Variants in MYO9A observed in about 807,000 individuals in gnomAD.
The protein encoded by MYO9A is unconventional myosin-IXa.
A neutral mutation model predicts 293.3 loss-of-function variants in MYO9A; 103 were observed. The observed-to-expected ratio is 0.35, with a 90% CI of 0.30 to 0.41. MYO9A has a LOEUF of 0.41. Among genes scored for constraint, MYO9A ranks in the 10% least tolerant of loss-of-function variants. The pLI is 1.00. For missense variants in MYO9A, 2,685 were observed against 3,033.0 expected, an observed-to-expected ratio of 0.89 and a Z score of 2.69; for synonymous variants, 1,001 against 1,035.7, an observed-to-expected ratio of 0.97 and a Z score of 0.64.
chr15:72,019,186 C>G (rs2077427684), intron 5 of MYO9A, 91 bp from the exon 6 acceptor site: 1 of 1,048,690 alleles, frequency 9.5e-7, no homozygotes, highest in African/African-American at 1.6e-5. Flanking sequence ...AGTACTGCTG[C>G]TCTCCATTGA....
At chr15:71,900,874 A>G (rs1235188594) in intron 23 of MYO9A, among the ~76,000 whole-genome samples, 1 of 152,158 alleles carries the variant, frequency 6.6e-6, no homozygotes, top group South Asian at 2.1e-4. Context: ...CTCAAACATC[A>G]CTCCAAAAAC....
At chr15:72,048,058 T>G (rs1035714176) in intron 1 of MYO9A, among the ~76,000 whole-genome samples, 1 of 152,044 alleles carries the variant, frequency 6.6e-6, no homozygotes, top group Non-Finnish European at 1.5e-5. Flanking sequence ...CCTGTTTGCC[T>G]AGATGGTCTT....
At chr15:71,864,328 T>C (rs1378304230) in intron 32 of MYO9A, among the ~76,000 whole-genome samples, 3 of 152,032 alleles carry the variant, frequency 2.0e-5, no homozygotes, top group African/African-American at 7.2e-5. Flanking sequence ...AGGTAAACAA[T>C]AGCAAATGTT....
rs1327353535 is a variant in MYO9A, at chr15:72,074,949, GC to G, written c.-71-28316del. Among the ~76,000 whole-genome samples the G allele has an allele frequency of 7.6e-3, 630 of 82,448 alleles. 10 individuals carry two copies. The highest frequency in any genetic ancestry group is 0.012 in the Admixed American group (75 of 6,298). 54.1% of individuals were successfully genotyped at this position (82,448 alleles called of 152,430 possible). Reference sequence around the variant, plus strand: ...AGCAGTTAGAAATTTCATTTTCACTGCCTTTTTTTTTTTTTTTTTTTTTTTT... The same window carrying G: ...AGCAGTTAGAAATTTCATTTTCACTGCTTTTTTTTTTTTTTTTTTTTTTTT... On this transcript the variant is annotated intron_variant, in intron 1 of 41. Coordinates refer to ENST00000356056, the MANE Select transcript of MYO9A (RefSeq NM_006901.4).
intron 1 of MYO9A, chr15:72,114,381 A>G (rs2080891350): frequency 6.6e-6 from 1 of 152,270 alleles, no homozygotes; most frequent in Admixed American, 6.5e-5. Flanking sequence ...TTAAAATAAG[A>G]TAGAGGCAAC....
chr15:71,850,620 C>G (rs1410497388), intron 37 of MYO9A, among the ~76,000 whole-genome samples: 1 of 284 alleles, frequency 3.5e-3, no homozygotes, highest in African/African-American at 0.022. Flanking sequence ...CAAAAATTAG[C>G]CAGGGTGTGG....
intron 34 of MYO9A, among the ~76,000 whole-genome samples, chr15:71,854,968 A>C (rs183242799): frequency 6.6e-6 from 1 of 152,244 alleles, no homozygotes; most frequent in African/African-American, 2.4e-5. Context: ...CAAGTTCTTA[A>C]GCATAAGAAT....
chr15:72,008,436 GGTGTGTGT>G lies in MYO9A; in HGVS notation c.1254-492_1254-485del, dbSNP rs57267628. 8.5e-3 allele frequency among the ~76,000 whole-genome samples: 1,176 copies of G among 138,826 alleles called. 7 individuals carry two copies. The highest frequency in any genetic ancestry group is 0.022 in the East Asian group (101 of 4,696). 91.1% of individuals were successfully genotyped at this position (138,826 alleles called of 152,430 possible). A position where few individuals can be genotyped will look rare whatever the true frequency, so the allele number is the denominator to read the frequency against. ...CATAGTATGGTGTTTGAGGTAAATG[GGTGTGTGT>G]GTGTGTGTGTGTGTGTGTGTGTGTG... On this transcript the variant is annotated intron_variant, in intron 7 of 41. Transcript: ENST00000356056.
intron 1 of MYO9A, among the ~76,000 whole-genome samples, chr15:72,049,594 C>A (rs1454537148): frequency 6.6e-6 from 1 of 152,226 alleles, no homozygotes; most frequent in African/African-American, 2.4e-5. Flanking sequence ...AGAAGATGAG[C>A]AGCAGGCAAG....
At chr15:71,872,990 G>A (rs947008288) in intron 32 of MYO9A, among the ~76,000 whole-genome samples, 12 of 151,608 alleles carry the variant, frequency 7.9e-5, no homozygotes, top group Admixed American at 7.9e-4. Context: ...TCGGCTCACT[G>A]CAATCTCCAC....
chr15:71,995,228 T>C (rs766209008), intron 9 of MYO9A, among the ~76,000 whole-genome samples: 6 of 152,310 alleles, frequency 3.9e-5, no homozygotes, highest in Non-Finnish European at 7.4e-5. Context: ...CCAGTTACAG[T>C]AGGTAAGAGT....
intron 39 of MYO9A, among the ~76,000 whole-genome samples, chr15:71,846,267 A>G (rs2055382666): frequency 6.6e-6 from 1 of 152,194 alleles, no homozygotes; most frequent in Non-Finnish European, 1.5e-5. Flanking sequence ...AGTGTTGAAC[A>G]ACCAAGAAAG....
chr15:71,903,821 G>A (rs759261427), intron 21 of MYO9A, 108 bp downstream of exon 21: 646 of 947,578 alleles, frequency 6.8e-4, no homozygotes, highest in Non-Finnish European at 9.1e-4. Context: ...GAAATGGAAA[G>A]GAAGAATTAA....
At chr15:72,023,449 T>C (rs1449997780) in intron 4 of MYO9A, among the ~76,000 whole-genome samples, 5 of 151,642 alleles carry the variant, frequency 3.3e-5, no homozygotes, top group African/African-American at 9.7e-5. Context: ...CCCCAGTACT[T>C]TGGGAGGCAG....
chr15:71,998,919 T>C (rs544016156), intron 9 of MYO9A: 1 of 152,292 alleles, frequency 6.6e-6, no homozygotes, highest in South Asian at 2.1e-4. Flanking sequence ...CATCATTTTT[T>C]ATGGCTGCAT....
At chr15:71,861,372 G>C (rs2056115308) in intron 33 of MYO9A, among the ~76,000 whole-genome samples, 1 of 150,990 alleles carries the variant, frequency 6.6e-6, no homozygotes, top group Admixed American at 6.6e-5. Flanking sequence ...GGAGGCTAAA[G>C]GTTCACTGTA....
rs2054421347 is a variant in MYO9A at position 71,825,129 on chromosome 15, A to ATATT, written c.*1447_*1450dup. 6.6e-6 allele frequency: 1 copy of ATATT among 152,238 alleles called. No individual in the cohort carries two copies. The highest frequency in any genetic ancestry group is 2.4e-5 in the African/African-American group (1 of 41,452). The allele number at this position is 152,238 out of a possible 1,614,324, so 9.4% of individuals were successfully genotyped here. ...AAGGCTATCATGTTTCATTTTTTAT[A>ATATT]TATTATAAATAGCAAAAACAGATTT... is the stretch of plus-strand genomic sequence containing the variant. On this transcript the variant is annotated 3_prime_UTR_variant, in exon 42 of 42. Coordinates refer to ENST00000356056, the MANE Select transcript of MYO9A (RefSeq NM_006901.4).
intron 2 of MYO9A, chr15:72,040,362 T>C (rs993637075): frequency 6.6e-6 from 1 of 152,268 alleles, no homozygotes; most frequent in Non-Finnish European, 1.5e-5. Flanking sequence ...CTGACCTGCA[T>C]ACCAGGAAGA....
At chr15:71,939,148 T>C (rs2058708455) in intron 15 of MYO9A, 2 of 474,724 alleles carry the variant, frequency 4.2e-6, no homozygotes, top group Non-Finnish European at 7.4e-6. Context: ...TCTTCTTTCA[T>C]TGAATCATTA....
Sources: allele counts gnomAD v4.1 joint callset (sites outside exome capture counted in the v4.1 genomes callset), GRCh38; gene constraint gnomAD v4.1.1; transcripts MANE v1.5; gene names NCBI Gene and HGNC (gene_info 2026-07-23, HGNC 2026-07-21).